The following ENTPD1 variants were observed in gnomAD, a reference collection of about 807,000 sequenced individuals.
ENTPD1 encodes the protein ectonucleoside triphosphate diphosphohydrolase 1.
ENTPD1 carries 33 observed loss-of-function variants against 57.0 expected under a neutral mutation model. The ratio of observed to expected loss-of-function variants is 0.58; its 90% confidence interval spans 0.44 to 0.77. The LOEUF (loss-of-function observed/expected upper bound fraction) is 0.77. Ranked by LOEUF, ENTPD1 falls within the 30% of genes least tolerant of loss-of-function variation. The pLI, the probability that ENTPD1 is intolerant of heterozygous loss-of-function variation, is 0.00. For synonymous variants in ENTPD1, 202 were observed against 218.8 expected (o/e 0.92, Z 0.68); for missense variants, 501 against 603.4 (o/e 0.83, Z 1.78).
At chr10:95,753,605 A>C (rs4918966), upstream of ENTPD1, 40,911 of 152,184 alleles carry the variant, frequency 0.27, 6,345 homozygotes, top group Admixed American at 0.38. Flanking sequence ...TCCCTGATGA[A>C]ATGTAAAGAG....
In ENTPD1 at chr10:95,867,395, C is replaced by A; in HGVS notation, c.*1012C>A. The A allele has an allele frequency of 1.0e-6, 1 of 985,398 alleles. No individual in the cohort carries two copies. Among genetic ancestry groups the A allele is most frequent in the Non-Finnish European group, 1.2e-6 (1 of 829,922 alleles). The allele number at this position is 985,398 out of a possible 1,614,324, so 61.0% of individuals were successfully genotyped here. On this transcript the variant is annotated 3_prime_UTR_variant, in exon 10 of 10. Transcript: ENST00000371205. Reference sequence around the variant, plus strand: ...TCCTGGGTAGGCAGAAACCATAGATCTTTTGTGTTTACAGCTATGGAAACC... The same window carrying A: ...TCCTGGGTAGGCAGAAACCATAGATATTTTGTGTTTACAGCTATGGAAACC...
upstream of ENTPD1, among the ~76,000 whole-genome samples, chr10:95,709,184 A>G (rs2097963674): frequency 6.6e-6 from 1 of 152,168 alleles, no homozygotes; most frequent in Admixed American, 6.5e-5. Flanking sequence ...ATACAATATC[A>G]CAAGTGGAAT....
rs2098474633 is a variant in ENTPD1, at chr10:95,866,429, C to T, written c.*46C>T. On this transcript the variant is annotated 3_prime_UTR_variant, in exon 10 of 10. Transcript: ENST00000371205. ...TGGCTGGAGTGAGGAAAAAAATCGT[C>T]CAGGGAGCATTTTCCTCCATCGCAG... 6.2e-7 allele frequency: 1 copy of T among 1,610,414 alleles called. No individual in the cohort carries two copies. The highest frequency in any genetic ancestry group is 2.2e-5 in the East Asian group (1 of 44,828).
chr10:95,792,287 C>A (rs1036905899), intron 1 of ENTPD1, among the ~76,000 whole-genome samples: 2 of 152,068 alleles, frequency 1.3e-5, no homozygotes, highest in African/African-American at 2.4e-5. Context: ...TGTCAAAAGA[C>A]AAAATTACAA....
At position 95,872,944 on chromosome 10, in the gene ENTPD1, G is replaced by A; in HGVS notation, c.*6561G>A. 1 of 985,232 alleles carries A rather than the reference G, an allele frequency of 1.0e-6. No individual in the cohort carries two copies. 61.0% of individuals were successfully genotyped at this position (985,232 alleles called of 1,614,324 possible). On this transcript the variant is annotated 3_prime_UTR_variant, in exon 10 of 10. Coordinates refer to ENST00000371205, the MANE Select transcript of ENTPD1 (RefSeq NM_001776.6). The stretch of plus-strand genomic sequence containing the variant: ...GTAGTTTGCCATGCAGCACTTCATT[G>A]TACACATTATTAAAACAGAATTTTA...
chr10:95,795,171 G>C (rs776912933), intron 1 of ENTPD1, among the ~76,000 whole-genome samples: 8 of 152,172 alleles, frequency 5.3e-5, no homozygotes, highest in Non-Finnish European at 8.8e-5. Flanking sequence ...GAAGACATTA[G>C]AGTGATGGAG....
intron 7 of ENTPD1, among the ~76,000 whole-genome samples, chr10:95,857,532 CCTCTCA>C (rs2098457259): frequency 6.6e-6 from 1 of 152,102 alleles, no homozygotes; most frequent in Non-Finnish European, 1.5e-5. Context: ...GTCTCTTCTC[CCTCTCA>C]CCCCACCATC....
At chr10:95,755,672 T>C (rs1566106647), upstream of ENTPD1, 9 of 1,536,948 alleles carry the variant, frequency 5.9e-6, no homozygotes, top group East Asian at 4.9e-5. Context: ...TTTGCTCTAA[T>C]GAGCCTTGAG....
chr10:95,871,566 G>A lies in ENTPD1; in HGVS notation c.*5183G>A, dbSNP rs1165701328. 1 of 985,282 alleles carries A rather than the reference G, an allele frequency of 1.0e-6. No homozygotes were observed. The highest frequency in any genetic ancestry group is 1.2e-6 in the Non-Finnish European group (1 of 829,926). The allele number at this position is 985,282 out of a possible 1,614,324, so 61.0% of individuals were successfully genotyped here. ...CAATCAGTTTTATCACAGGTATAAT[G>A]GATTTTTCAATAGTGAGGAGGTGCC... On this transcript the variant is annotated 3_prime_UTR_variant, in exon 10 of 10. Transcript: ENST00000371205.
chr10:95,807,878 A>ACTT (rs2098279590), intron 1 of ENTPD1, among the ~76,000 whole-genome samples: 2 of 152,120 alleles, frequency 1.3e-5, no homozygotes, highest in Admixed American at 1.3e-4. Context: ...GGATAGTTTG[A>ACTT]CTTCTTCTCT....
At chr10:95,848,988 G>A (rs922353122) in intron 7 of ENTPD1, among the ~76,000 whole-genome samples, 2 of 152,150 alleles carry the variant, frequency 1.3e-5, no homozygotes, top group Admixed American at 1.3e-4. Context: ...AGGAGGAGGA[G>A]CAGCAGTTAG....
chr10:95,777,528 C>T (rs984393778), intron 1 of ENTPD1, among the ~76,000 whole-genome samples: 1 of 152,212 alleles, frequency 6.6e-6, no homozygotes, highest in East Asian at 1.9e-4. Context: ...CTGGAAGCTT[C>T]GTCCTAGAGG....
In ENTPD1 at chr10:95,809,263, G is replaced by A. The variant is rs371960242; in HGVS notation, c.17-13974G>A. ...ACACCTCCCAGACAGGGTGGCAGCC[G>A]GGCAGAGGCACCCCCCACATCCCAG... On this transcript the variant is annotated intron_variant, in intron 1 of 9. Transcript: ENST00000371205. Among the ~76,000 whole-genome samples the A allele has an allele frequency of 1.4e-3, 218 of 152,190 alleles. 2 individuals carry two copies. Among genetic ancestry groups the A allele is most frequent in the African/African-American group, 4.7e-3 (196 of 41,530 alleles).
intron 1 of ENTPD1, among the ~76,000 whole-genome samples, chr10:95,764,493 A>G (rs1285627185): frequency 2.6e-5 from 4 of 152,202 alleles, no homozygotes; most frequent in Admixed American, 6.5e-5. Context: ...TGGACCATTT[A>G]CATTTCCACC....
Position 95,760,054 on chromosome 10 carries a change from T to C in ENTPD1, c.16+3799T>C, listed in dbSNP as rs562374779. Reference sequence around the variant, plus strand: ...CTTGTAGTTCCAGCTACTCAGGAGGTTGAGGCAGGAGGATAGCTTGGGCCC... The same window carrying C: ...CTTGTAGTTCCAGCTACTCAGGAGGCTGAGGCAGGAGGATAGCTTGGGCCC... On this transcript the variant is annotated intron_variant, in intron 1 of 9. Transcript: ENST00000371205. Among the ~76,000 whole-genome samples the C allele has an allele frequency of 4.3e-4, 66 of 152,194 alleles. No homozygotes were observed. The East Asian group carries it at 8.9e-3, about 20-fold the overall frequency.
intron 1 of ENTPD1, among the ~76,000 whole-genome samples, chr10:95,789,076 T>A (rs554730227): frequency 6.6e-6 from 1 of 152,186 alleles, no homozygotes; most frequent in Non-Finnish European, 1.5e-5. Context: ...TGATCATGGA[T>A]GATGCAAAGG....
intron 1 of ENTPD1, among the ~76,000 whole-genome samples, chr10:95,792,005 G>C (rs2098206021): frequency 6.6e-6 from 1 of 152,132 alleles, no homozygotes; most frequent in African/African-American, 2.4e-5. Flanking sequence ...TTGCTTAAGA[G>C]AGACTAAAAG....
the ENTPD1 span, among the ~76,000 whole-genome samples, chr10:95,699,720 T>C: frequency 6.6e-6 from 1 of 152,186 alleles, no homozygotes; most frequent in African/African-American, 2.4e-5. Context: ...TTAAAATACC[T>C]GTTAAAAGAC....
chr10:95,872,784 CTATT>C lies in ENTPD1; in HGVS notation c.*6405_*6408del, dbSNP rs1444391870. The C allele has an allele frequency of 1.0e-6, 1 of 985,308 alleles. No homozygotes were observed. The highest frequency in any genetic ancestry group is 6.1e-5 in the Admixed American group (1 of 16,268). The allele number at this position is 985,308 out of a possible 1,614,324, so 61.0% of individuals were successfully genotyped here. A position where few individuals can be genotyped will look rare whatever the true frequency, so the allele number is the denominator to read the frequency against. Reference sequence around the variant, plus strand: ...TCCGCACCACTAGTTCTGCTTCACTCTATTTATCTCTTGATGTAACCATCTTCTT... The same window carrying C: ...TCCGCACCACTAGTTCTGCTTCACTCTATCTCTTGATGTAACCATCTTCTT... On this transcript the variant is annotated 3_prime_UTR_variant, in exon 10 of 10. Coordinates refer to ENST00000371205, the MANE Select transcript of ENTPD1 (RefSeq NM_001776.6).
Sources: allele counts gnomAD v4.1 joint callset (sites outside exome capture counted in the v4.1 genomes callset), GRCh38; gene constraint gnomAD v4.1.1; transcripts MANE v1.5; gene names NCBI Gene and HGNC (gene_info 2026-07-23, HGNC 2026-07-21).